Variants in FAAH observed in about 807,000 individuals in gnomAD.
FAAH encodes fatty-acid amide hydrolase 1.
A neutral mutation model predicts 69.7 loss-of-function variants in FAAH; 63 were observed. That is an observed-to-expected ratio of 0.90 (90% CI 0.74 to 1.12). The LOEUF (loss-of-function observed/expected upper bound fraction) is 1.12, where lower values mean the gene tolerates loss of function less well. Among genes scored for constraint, FAAH ranks in the 50% most tolerant of loss-of-function variants. FAAH has a pLI of 0.00. For synonymous variants in FAAH, 305 were observed against 324.2 expected, an observed-to-expected ratio of 0.94 and a Z score of 0.64; for missense variants, 680 against 755.0, an observed-to-expected ratio of 0.90 and a Z score of 1.16.
At position 46,404,515 on chromosome 1, in the gene FAAH, G is replaced by C. The variant is rs1664756872; in HGVS notation, c.310-499G>C. ...CCTGGGTAAGGGGAGGCTTGACTGGGCTACATGTGGGGAAGGCGTGGGGTT... is the reference window on the plus strand; with the variant it reads ...CCTGGGTAAGGGGAGGCTTGACTGGCCTACATGTGGGGAAGGCGTGGGGTT... On this transcript the variant is annotated intron_variant, in intron 2 of 14. Coordinates refer to ENST00000243167, the MANE Select transcript of FAAH (RefSeq NM_001441.3). This position sits in a 1 kb window ranked among gnomAD's most constrained non-coding sequence, Gnocchi z 4.5. 6.6e-6 allele frequency among the ~76,000 whole-genome samples: 1 copy of C among 152,230 alleles called. No individual in the cohort carries two copies.
At chr1:46,399,585 C>G (rs371790098) in intron 1 of FAAH, among the ~76,000 whole-genome samples, 1 of 152,160 alleles carries the variant, frequency 6.6e-6, no homozygotes, top group African/African-American at 2.4e-5. Flanking sequence ...GTAGCGAGGT[C>G]GGGGGAGTTG....
intron 7 of FAAH, among the ~76,000 whole-genome samples, chr1:46,406,741 A>G (rs1279512109): frequency 6.6e-6 from 1 of 151,474 alleles, no homozygotes; most frequent in African/African-American, 2.4e-5. Context: ...AGCTGGGACT[A>G]CAGGCGCCCG....
At chr1:46,395,448 C>T (rs933661839) in intron 1 of FAAH, among the ~76,000 whole-genome samples, 1 of 152,198 alleles carries the variant, frequency 6.6e-6, no homozygotes, top group African/African-American at 2.4e-5. Flanking sequence ...CCTGCGCTGC[C>T]TTTGGATCAC....
chr1:46,412,089 C>A, intron 12 of FAAH, 54 bp from the exon 13 acceptor site: 2 of 1,461,224 alleles, frequency 1.4e-6, no homozygotes, highest in Non-Finnish European at 1.9e-6. Flanking sequence ...AGTTAAAGAG[C>A]CTGGGGTGGG....
intron 1 of FAAH, among the ~76,000 whole-genome samples, chr1:46,400,542 C>G (rs1347708300): frequency 1.3e-5 from 2 of 151,480 alleles, no homozygotes; most frequent in African/African-American, 4.9e-5. Flanking sequence ...GAAGGAGGAG[C>G]CAGAAAGACA....
chr1:46,400,730 G>A (rs112125263), intron 1 of FAAH, among the ~76,000 whole-genome samples: 1 of 140,182 alleles, frequency 7.1e-6, no homozygotes, highest in African/African-American at 2.7e-5. Flanking sequence ...CCATTGCCTC[G>A]GGCTGGGTAG....
rs746583937 is a variant in FAAH at position 46,405,603 on chromosome 1, C to G, written c.594C>G (p.Asn198Lys). The G allele has an allele frequency of 1.2e-6, 2 of 1,613,478 alleles. No homozygotes were observed. The highest frequency in any genetic ancestry group is 3.3e-5 in the Admixed American group (2 of 60,026). The change falls in exon 5 of 15, where the codon AAC becomes AAG. Residue 198 changes from asparagine to lysine, a missense_variant. Asn to Lys is a moderately conservative substitution (Grantham distance 94). Transcript: ENST00000243167. This position sits in a 1 kb window ranked among gnomAD's most constrained non-coding sequence, Gnocchi z 4.1. ...PQSMFSYDCSNPLFGQTVNPW... is the reference protein window; with the variant it reads ...PQSMFSYDCSKPLFGQTVNPW... The stretch of plus-strand genomic sequence containing the variant: ...GCTCCTCCAGCTATGACTGCAGTAA[C>G]CCCCTCTTTGGCCAGACCGTGAACC...
chr1:46,406,034 C>G lies in FAAH; in HGVS notation c.786-4C>G. On this transcript the variant is annotated splice_polypyrimidine_tract_variant and splice_region_variant and intron_variant, in intron 5 of 14. Transcript: ENST00000243167. Reference sequence around the variant, plus strand: ...GTTTCCAGCATCTTATGTTTCTTATCCAGCAAGAGTGGCCTGAAGGGCTGT... The same window carrying G: ...GTTTCCAGCATCTTATGTTTCTTATGCAGCAAGAGTGGCCTGAAGGGCTGT... 6.2e-7 allele frequency: 1 copy of G among 1,614,190 alleles called. No individual in the cohort carries two copies. Among genetic ancestry groups the G allele is most frequent in the African/African-American group, 1.3e-5 (1 of 75,064 alleles).
chr1:46,402,243 A>T (rs1317066818), intron 2 of FAAH, 39 bp downstream of exon 2: 1 of 1,414,062 alleles, frequency 7.1e-7, no homozygotes, highest in Non-Finnish European at 9.7e-7. Context: ...TGGGAAAGGT[A>T]AGGCCAGCCA....
Position 46,410,700 on chromosome 1 carries a change from C to T in FAAH, c.1276-114C>T, listed in dbSNP as rs1664896633. 1 of 1,367,048 alleles carries T rather than the reference C, an allele frequency of 7.3e-7. No homozygotes were observed. Among genetic ancestry groups the T allele is most frequent in the African/African-American group, 1.4e-5 (1 of 70,138 alleles). The allele number at this position is 1,367,048 out of a possible 1,614,324, so 84.7% of individuals were successfully genotyped here. On this transcript the variant is annotated intron_variant, in intron 10 of 14. Transcript: ENST00000243167. This position sits in a 1 kb window ranked among gnomAD's most constrained non-coding sequence, Gnocchi z 4.9. ...CCCGCATGCTGAAAGGGGTGCCGAC[C>T]TGGGCCCTGGGGGGAGGCATGGAGG...
At position 46,411,653 on chromosome 1, in the gene FAAH, T is replaced by G. The variant is rs1370036695; in HGVS notation, c.1356+2T>G. The stretch of plus-strand genomic sequence containing the variant: ...TGGGAACTGCAGCACGAGATCGAGG[T>G]GAGGCCAGAGCCTCTGGATTGGAGC... On this transcript the variant is annotated splice_donor_variant, in intron 12 of 14. Coordinates refer to ENST00000243167, the MANE Select transcript of FAAH (RefSeq NM_001441.3). LOFTEE classifies it high-confidence loss of function. The surrounding 1 kb of genome is among the most constrained non-coding windows in gnomAD (Gnocchi z 4.8). The G allele has an allele frequency of 2.5e-6, 4 of 1,612,572 alleles. No individual in the cohort carries two copies. Among genetic ancestry groups the G allele is most frequent in the Non-Finnish European group, 3.4e-6 (4 of 1,179,754 alleles).
In FAAH at chr1:46,408,528, GC is replaced by G; in HGVS notation, c.1023del (p.Met342Ter). The part of the protein sequence containing the change: ...ETDNYTMPSP[A>X]MRRAVLETKQ... Reference sequence around the variant, plus strand: ...TGACAACTATACCATGCCCTCCCCGGCCATGAGGCGGGCCGTGCTGGAGACC... The same window carrying G: ...TGACAACTATACCATGCCCTCCCCGGCATGAGGCGGGCCGTGCTGGAGACC... On this transcript the variant is annotated frameshift_variant, in exon 8 of 15. Coordinates refer to ENST00000243167, the MANE Select transcript of FAAH (RefSeq NM_001441.3). LOFTEE classifies it high-confidence loss of function. 1.2e-6 allele frequency: 2 copies of G among 1,614,168 alleles called. No homozygotes were observed. The highest frequency in any genetic ancestry group is 1.7e-6 in the Non-Finnish European group (2 of 1,180,028).
chr1:46,401,626 T>A (rs1664704879), intron 1 of FAAH, among the ~76,000 whole-genome samples: 1 of 152,130 alleles, frequency 6.6e-6, no homozygotes, highest in African/African-American at 2.4e-5. Flanking sequence ...AAGGCACCTC[T>A]CTCTCAGCCT....
At chr1:46,408,682 T>G in intron 8 of FAAH, 98 bp downstream of exon 8, 4 of 1,575,872 alleles carry the variant, frequency 2.5e-6, no homozygotes, top group Non-Finnish European at 3.5e-6. Flanking sequence ...CCTGGCACTC[T>G]GACGATGTTG....
At chr1:46,408,311 A>T in intron 7 of FAAH, 148 bp from the exon 8 acceptor site, 1 of 1,011,938 alleles carries the variant, frequency 9.9e-7, no homozygotes. Flanking sequence ...AAGGTGTTTT[A>T]TGAAAGGGTC....
In FAAH at chr1:46,413,784, A is replaced by G; in HGVS notation, c.*209A>G. The G allele has an allele frequency of 1.5e-6, 1 of 647,816 alleles. No homozygotes were observed. The highest frequency in any genetic ancestry group is 2.6e-6 in the Non-Finnish European group (1 of 377,940). The allele number at this position is 647,816 out of a possible 1,614,324, so 40.1% of individuals were successfully genotyped here. A position where few individuals can be genotyped will look rare whatever the true frequency, so the allele number is the denominator to read the frequency against. On this transcript the variant is annotated 3_prime_UTR_variant, in exon 15 of 15. Transcript: ENST00000243167. ...CCCCTCTCTTCGTCCTGATCCCTCC[A>G]CCCCCATGTGGCAGCCCATGGGTAT...
intron 1 of FAAH, among the ~76,000 whole-genome samples, chr1:46,401,129 G>C: frequency 9.5e-6 from 1 of 105,744 alleles, no homozygotes; most frequent in Non-Finnish European, 2.0e-5. Context: ...CAGGGGAGGA[G>C]GGGGAGTAGG....
chr1:46,405,323 G>A lies in FAAH; in HGVS notation c.445-49G>A, dbSNP rs1346599727. The A allele has an allele frequency of 6.2e-7, 1 of 1,605,494 alleles. No homozygotes were observed. The highest frequency in any genetic ancestry group is 1.7e-5 in the Admixed American group (1 of 60,022). On this transcript the variant is annotated intron_variant, in intron 3 of 14. Coordinates refer to ENST00000243167, the MANE Select transcript of FAAH (RefSeq NM_001441.3). The surrounding 1 kb of genome is among the most constrained non-coding windows in gnomAD (Gnocchi z 4.1). Reference sequence around the variant, plus strand: ...CAGTTGTTGGAGTGGACCCTTGGCTGCCCACGGGCCCTGACTCACTCCCTT... The same window carrying A: ...CAGTTGTTGGAGTGGACCCTTGGCTACCCACGGGCCCTGACTCACTCCCTT...
chr1:46,395,224 C>T (rs1664576027), intron 1 of FAAH, among the ~76,000 whole-genome samples: 1 of 152,226 alleles, frequency 6.6e-6, no homozygotes. Flanking sequence ...TGAGCCACCG[C>T]GCCTGGCTGA....
Sources: gnomAD v4.1 joint callset for allele counts (sites outside exome capture counted in the v4.1 genomes callset) on GRCh38, gnomAD v4.1.1 for gene constraint, Gnocchi (gnomAD v3.1) non-coding constraint, MANE v1.5 for transcripts, NCBI Gene and HGNC (gene_info 2026-07-23, HGNC 2026-07-21) for gene names.